The following SLC39A8 variants were observed in gnomAD, a reference collection of about 807,000 sequenced individuals.
SLC39A8 encodes metal cation symporter ZIP8.
A neutral mutation model predicts 40.4 loss-of-function variants in SLC39A8; 15 were observed. That is an observed-to-expected ratio of 0.37 (90% CI 0.25 to 0.57). The LOEUF is 0.57. Ranked by LOEUF, SLC39A8 falls within the 20% of genes least tolerant of loss-of-function variation. The probability of loss-of-function intolerance (pLI) is 0.75; values close to 1 mark genes in which losing one functional copy is unlikely to be tolerated. For missense variants in SLC39A8, 472 were observed against 558.8 expected, an observed-to-expected ratio of 0.84 and a Z score of 1.57; for synonymous variants, 223 against 221.6, an observed-to-expected ratio of 1.01 and a Z score of -0.06.
intron 6 of SLC39A8, among the ~76,000 whole-genome samples, chr4:102,285,162 A>C (rs1294415474): frequency 6.6e-6 from 1 of 152,196 alleles, no homozygotes; most frequent in Non-Finnish European, 1.5e-5. Flanking sequence ...AAAAGTAATA[A>C]TACCTTAATC....
In SLC39A8 at chr4:102,305,039, G is replaced by C; in HGVS notation, c.625C>G (p.Leu209Val). ...TTTAGCATTCTTTCAAAAAAGAAAAGTAGGTAAAATCCACCAAACACAGCA... is the reference window on the plus strand; with the variant it reads ...TTTAGCATTCTTTCAAAAAAGAAAACTAGGTAAAATCCACCAAACACAGCA... ...AVAVFGGFYL[L>V]FFFERMLKML... Residue 209 changes from leucine to valine, a missense_variant, in exon 5 of 9, where the codon CTT (leucine) becomes GTT (valine). Physicochemically the swap from Leu to Val is conservative, Grantham distance 32 (BLOSUM62 1). Around this residue, in one of 4 missense-constraint regions of SLC39A8, gnomAD observed 239 missense variants for 317.9 expected, o/e 0.75. Transcript: ENST00000356736. 1 of 1,609,274 alleles carries C rather than the reference G, an allele frequency of 6.2e-7. No homozygotes were observed. Among genetic ancestry groups the C allele is most frequent in the Non-Finnish European group, 8.5e-7 (1 of 1,176,984 alleles).
intron 6 of SLC39A8, among the ~76,000 whole-genome samples, chr4:102,288,085 T>C (rs1163868567): frequency 6.6e-6 from 1 of 152,144 alleles, no homozygotes; most frequent in African/African-American, 2.4e-5. Context: ...TTCTCAGATA[T>C]TGTGATTTTT....
intron 3 of SLC39A8, among the ~76,000 whole-genome samples, chr4:102,309,830 T>C (rs930464834): frequency 6.6e-6 from 1 of 152,072 alleles, no homozygotes; most frequent in Non-Finnish European, 1.5e-5. Flanking sequence ...ATTAATTCCA[T>C]AGACAACTGG....
chr4:102,309,090 A>G (rs1359059857), intron 3 of SLC39A8, among the ~76,000 whole-genome samples: 1 of 152,122 alleles, frequency 6.6e-6, no homozygotes, highest in African/African-American at 2.4e-5. Context: ...TGAATTATAC[A>G]TACTTTATTA....
chr4:102,300,845 ATACT>A (rs1269477933), intron 6 of SLC39A8, among the ~76,000 whole-genome samples: 5 of 151,924 alleles, frequency 3.3e-5, no homozygotes, highest in Non-Finnish European at 5.9e-5. Context: ...TTATATTGTA[ATACT>A]TACTCTCTTA....
rs562955941 is a variant in SLC39A8, at chr4:102,279,408, G to A, written c.841-11329C>T. On this transcript the variant is annotated intron_variant, in intron 6 of 8. Transcript: ENST00000356736. ...ATTTTCTGCTACAGAATGAAGACAA[G>A]GACAGTGCTTAAAACTCAGGGAATT... 1.2e-4 allele frequency among the ~76,000 whole-genome samples: 18 copies of A among 152,214 alleles called. No homozygotes were observed. The South Asian group carries it at 3.3e-3, about 28-fold the overall frequency.
intron 2 of SLC39A8, among the ~76,000 whole-genome samples, chr4:102,333,420 G>C (rs1735550161): frequency 6.6e-6 from 1 of 152,094 alleles, no homozygotes; most frequent in Non-Finnish European, 1.5e-5. Flanking sequence ...AGCTTCAAGA[G>C]ATTAACTAAG....
intron 6 of SLC39A8, among the ~76,000 whole-genome samples, chr4:102,288,444 C>T (rs1209295654): frequency 1.3e-5 from 2 of 152,030 alleles, no homozygotes; most frequent in Non-Finnish European, 2.9e-5. Context: ...ATTATGCTAA[C>T]TAATAATCCT....
intron 2 of SLC39A8, among the ~76,000 whole-genome samples, chr4:102,334,031 A>G (rs1458434310): frequency 2.6e-5 from 4 of 152,186 alleles, no homozygotes; most frequent in African/African-American, 9.7e-5. Context: ...GAACCTAACA[A>G]TAAGGTGGTT....
chr4:102,320,231 A>ATATATATGAG (rs1560561008), intron 2 of SLC39A8, among the ~76,000 whole-genome samples: 13 of 134,570 alleles, frequency 9.7e-5, no homozygotes, highest in African/African-American at 3.8e-4. Flanking sequence ...ATGTATGAGT[A>ATATATATGAG]TATATATATG....
intron 6 of SLC39A8, among the ~76,000 whole-genome samples, chr4:102,303,647 T>G (rs1313083126): frequency 1.3e-5 from 2 of 151,832 alleles, no homozygotes; most frequent in African/African-American, 2.4e-5. Context: ...AGCTTGGCTG[T>G]TCTATTAGTC....
intron 6 of SLC39A8, among the ~76,000 whole-genome samples, chr4:102,268,574 T>C (rs1343718065): frequency 6.6e-6 from 1 of 152,238 alleles, no homozygotes; most frequent in African/African-American, 2.4e-5. Context: ...ATCACAGAGT[T>C]CCTTCAACTG....
chr4:102,252,276 T>C (rs1317736937), exon 12 of SLC39A8: 3 of 152,350 alleles, frequency 2.0e-5, no homozygotes, highest in Admixed American at 2.0e-4. Flanking sequence ...AATGTGGCCA[T>C]CAAAATGTCA....
intron 8 of SLC39A8, among the ~76,000 whole-genome samples, chr4:102,264,416 C>T (rs942023286): frequency 2.0e-5 from 3 of 152,150 alleles, no homozygotes; most frequent in African/African-American, 7.2e-5. Context: ...ACTCACTAAA[C>T]CATGCTGTAA....
chr4:102,302,523 A>T (rs1011231048), intron 6 of SLC39A8, among the ~76,000 whole-genome samples: 1 of 152,020 alleles, frequency 6.6e-6, no homozygotes, highest in African/African-American at 2.4e-5. Flanking sequence ...CTTGGGTCAA[A>T]TTATTTTTCC....
At chr4:102,316,950 C>G (rs1030973125) in intron 2 of SLC39A8, among the ~76,000 whole-genome samples, 1 of 152,194 alleles carries the variant, frequency 6.6e-6, no homozygotes, top group African/African-American at 2.4e-5. Flanking sequence ...TATGAGGAAG[C>G]GAGAAAATGC....
intron 2 of SLC39A8, 106 bp from the exon 3 acceptor site, chr4:102,315,936 C>A: frequency 1.1e-6 from 1 of 884,524 alleles, no homozygotes; most frequent in Non-Finnish European, 1.6e-6. Flanking sequence ...GCACAGCACT[C>A]TTTATACAAA....
At chr4:102,334,469 G>A (rs996587933) in intron 2 of SLC39A8, among the ~76,000 whole-genome samples, 1 of 152,202 alleles carries the variant, frequency 6.6e-6, no homozygotes, top group African/African-American at 2.4e-5. Flanking sequence ...TGTAGAGGAA[G>A]TAATAATGAG....
At chr4:102,283,711 A>G (rs1301471203) in intron 6 of SLC39A8, among the ~76,000 whole-genome samples, 1 of 152,238 alleles carries the variant, frequency 6.6e-6, no homozygotes, top group Non-Finnish European at 1.5e-5. Flanking sequence ...ATAACATTTA[A>G]TAAAATGTAA....
Sources: allele counts gnomAD v4.1 joint callset (sites outside exome capture counted in the v4.1 genomes callset), GRCh38; gene constraint gnomAD v4.1.1; regional missense constraint gnomAD v4.1.1; transcripts MANE v1.5; gene names NCBI Gene and HGNC (gene_info 2026-07-23, HGNC 2026-07-21).